AXIN2: variants seen among roughly 807,000 people sequenced by gnomAD.
The protein encoded by AXIN2 is axin-2.
In AXIN2, 21 loss-of-function variants were observed where a neutral mutation model predicts 74.7. That is an observed-to-expected ratio of 0.28 (90% confidence interval 0.20 to 0.40). AXIN2 has a LOEUF of 0.40. Ranked by LOEUF, AXIN2 falls within the 10% of genes least tolerant of loss-of-function variation. AXIN2 has a pLI of 1.00. For synonymous variants in AXIN2, 532 were observed against 454.9 expected (o/e 1.17, Z -2.16); for missense variants, 1,144 against 1,111.1 (o/e 1.03, Z -0.42).
chr17:65,536,543 T>C lies in AXIN2; in HGVS notation c.1918A>G (p.Thr640Ala), dbSNP rs1060502157. Residue 640 changes from threonine to alanine, a missense_variant, in exon 8 of 11, where the codon ACA becomes GCA. Physicochemically the swap from Thr to Ala is moderately conservative, Grantham distance 58. Transcript: ENST00000307078. Reference sequence around the variant, plus strand: ...GACTCCAAGGGGTAGGCCTTTTTTGTGCTTTGGGCACTAAACAAGGAATGA... The same window carrying C: ...GACTCCAAGGGGTAGGCCTTTTTTGCGCTTTGGGCACTAAACAAGGAATGA... Reference protein sequence around the residue: ...SKPKPHSAQSTKKAYPLESAR... With the variant: ...SKPKPHSAQSAKKAYPLESAR... 1 of 1,613,728 alleles carries C rather than the reference T, an allele frequency of 6.2e-7. No homozygotes were observed. Among genetic ancestry groups the C allele is most frequent in the Admixed American group, 1.7e-5 (1 of 60,028 alleles).
At chr17:65,545,433 T>C (rs981612263) in intron 3 of AXIN2, among the ~76,000 whole-genome samples, 2 of 152,172 alleles carry the variant, frequency 1.3e-5, no homozygotes, top group Non-Finnish European at 2.9e-5. Context: ...CTCACGCCTG[T>C]AATCCCACCA....
At chr17:65,534,446 G>C (rs1473971840) in intron 9 of AXIN2, among the ~76,000 whole-genome samples, 2 of 152,248 alleles carry the variant, frequency 1.3e-5, no homozygotes, top group Non-Finnish European at 2.9e-5. Context: ...TCACAGAGAT[G>C]CCGGGTCTCA....
intron 3 of AXIN2, among the ~76,000 whole-genome samples, chr17:65,549,048 C>G (rs1296465345): frequency 1.3e-5 from 2 of 152,138 alleles, no homozygotes; most frequent in Non-Finnish European, 2.9e-5. Context: ...TTTCTCACCC[C>G]CACTTGCAAT....
At chr17:65,535,806 G>T in intron 8 of AXIN2, 85 bp from the exon 9 acceptor site, 1 of 1,263,950 alleles carries the variant, frequency 7.9e-7, no homozygotes, top group Non-Finnish European at 1.1e-6. Context: ...TTACTATTTG[G>T]CCTCCTGAAG....
Position 65,549,581 on chromosome 17 carries a change from C to T in AXIN2, c.895G>A (p.Asp299Asn), listed in dbSNP as rs773351166. Residue 299 changes from aspartate to asparagine, a missense_variant, in exon 3 of 11, where the codon GAC becomes AAC. Physicochemically the swap from Asp to Asn is conservative, Grantham distance 23. This residue lies in a region of AXIN2 where 1,053 missense variants were observed against 973.5 expected (regional missense o/e 1.08). Coordinates refer to ENST00000307078, the MANE Select transcript of AXIN2 (RefSeq NM_004655.4). ...AGCGCATCACTGGATATCTCACTGT[C>T]GTTGGCGCTGGTGGCTGGTGCAAAG... Reference protein sequence around the residue: ...YVFAPATSANDSEISSDALTD... With the variant: ...YVFAPATSANNSEISSDALTD... 25 of 1,608,880 alleles carry T rather than the reference C, an allele frequency of 1.6e-5. No homozygotes were observed. The highest frequency in any genetic ancestry group is 3.3e-5 in the South Asian group (3 of 89,860).
intron 10 of AXIN2, 86 bp downstream of exon 10, chr17:65,533,823 GTCT>G: frequency 7.4e-7 from 1 of 1,347,504 alleles, no homozygotes; most frequent in Non-Finnish European, 1.0e-6. Flanking sequence ...CCCCACCTAG[GTCT>G]GCTCAGCCAG....
chr17:65,545,230 G>A (rs182490713), intron 3 of AXIN2, among the ~76,000 whole-genome samples: 1 of 152,214 alleles, frequency 6.6e-6, no homozygotes, highest in African/African-American at 2.4e-5. Flanking sequence ...ATGATTCCTG[G>A]CAACATCTAA....
chr17:65,554,805 G>A (rs527934212), intron 2 of AXIN2, among the ~76,000 whole-genome samples: 13 of 152,312 alleles, frequency 8.5e-5, no homozygotes, highest in African/African-American at 3.1e-4. Context: ...AGAAAGGCGA[G>A]GACACAGGGA....
chr17:65,538,647 CAA>C (rs1471013154), intron 4 of AXIN2, among the ~76,000 whole-genome samples: 1 of 43,940 alleles, frequency 2.3e-5, no homozygotes, highest in East Asian at 8.1e-4. Context: ...AGAAAATCTT[CAA>C]AGACTGTTGT....
At chr17:65,538,485 G>A in intron 4 of AXIN2, 142 bp from the exon 5 acceptor site, 8 of 1,114,306 alleles carry the variant, frequency 7.2e-6, no homozygotes, top group Non-Finnish European at 1.0e-5. Context: ...GGCCTGGGCT[G>A]CTCGGGACTT....
Position 65,557,937 on chromosome 17 carries a change from C to G in AXIN2, c.684G>C (p.Leu228Phe), listed in dbSNP as rs2044295284. 1.9e-6 allele frequency: 3 copies of G among 1,614,200 alleles called. No individual in the cohort carries two copies. The highest frequency in any genetic ancestry group is 2.5e-6 in the Non-Finnish European group (3 of 1,180,026). Residue 228 changes from leucine (L) to phenylalanine (F), a missense_variant, in exon 2 of 11, where the codon TTG becomes TTC. This residue lies in a region of AXIN2 where 1,053 missense variants were observed against 973.5 expected (regional missense o/e 1.08). Transcript: ENST00000307078. ...LKVVCGYLPTLNEEEEWTCAD... is the reference protein window; with the variant it reads ...LKVVCGYLPTFNEEEEWTCAD... ...CACAAGTCCACTCCTCTTCTTCATT[C>G]AAGGTGGGGAGATAGCCACACACGA...
Position 65,558,467 on chromosome 17 carries a change from A to G in AXIN2, c.154T>C (p.Ser52Pro), listed in dbSNP as rs2044308843. 2 of 1,604,566 alleles carry G rather than the reference A, an allele frequency of 1.2e-6. No individual in the cohort carries two copies. Among genetic ancestry groups the G allele is most frequent in the Non-Finnish European group, 1.7e-6 (2 of 1,173,844 alleles). ...TCTTCGTTCCGCCTGGTGTTGGAAGAGACAGGCATGGGTTTGGTGACCTGG... is the reference window on the plus strand; with the variant it reads ...TCTTCGTTCCGCCTGGTGTTGGAAGGGACAGGCATGGGTTTGGTGACCTGG... ...KGQVTKPMPV[S>P]SNTRRNEDGL... The change falls in exon 2 of 11, where the codon TCT (serine) becomes CCT (proline). Residue 52 changes from serine (S) to proline (P), a missense_variant. Physicochemically the swap from Ser to Pro is moderately conservative, Grantham distance 74. This residue lies in a region of AXIN2 where 1,053 missense variants were observed against 973.5 expected (regional missense o/e 1.08). Coordinates refer to ENST00000307078, the MANE Select transcript of AXIN2 (RefSeq NM_004655.4).
chr17:65,534,907 G>C (rs1029321023), intron 9 of AXIN2, among the ~76,000 whole-genome samples: 2 of 152,138 alleles, frequency 1.3e-5, no homozygotes, highest in Non-Finnish European at 2.9e-5. Flanking sequence ...TCCAGCCTGG[G>C]CAACAGGGCG....
intron 3 of AXIN2, among the ~76,000 whole-genome samples, chr17:65,544,152 G>A (rs1316381707): frequency 4.0e-5 from 6 of 151,660 alleles, no homozygotes; most frequent in South Asian, 2.1e-4. Context: ...AGAGTCCCCC[G>A]TCCACCCCCT....
chr17:65,547,370 A>G (rs549811944), intron 3 of AXIN2, among the ~76,000 whole-genome samples: 2 of 152,354 alleles, frequency 1.3e-5, no homozygotes, highest in South Asian at 4.1e-4. Flanking sequence ...AAGCGGGCAA[A>G]GTACAGGGCC....
intron 2 of AXIN2, among the ~76,000 whole-genome samples, chr17:65,553,847 C>CG (rs796606885): frequency 0.07 from 5,461 of 78,162 alleles, 310 homozygotes; most frequent in Non-Finnish European, 0.086. Flanking sequence ...AAAAAAAAGG[C>CG]GGGGGGGGGG....
intron 10 of AXIN2, among the ~76,000 whole-genome samples, chr17:65,531,515 A>AT (rs1201309182): frequency 6.6e-6 from 1 of 152,064 alleles, no homozygotes; most frequent in Non-Finnish European, 1.5e-5. Flanking sequence ...ACTTCTCCAC[A>AT]TAAGAGGCTC....
At chr17:65,538,423 C>T in intron 4 of AXIN2, 80 bp from the exon 5 acceptor site, 2 of 1,579,168 alleles carry the variant, frequency 1.3e-6, no homozygotes, top group Non-Finnish European at 1.7e-6. Context: ...CTTCCCGCAC[C>T]AGGCGCTGTG....
At chr17:65,532,327 CTCGAAG>C (rs1204405012) in intron 10 of AXIN2, among the ~76,000 whole-genome samples, 1 of 152,232 alleles carries the variant, frequency 6.6e-6, no homozygotes, top group African/African-American at 2.4e-5. Flanking sequence ...TGCAGTTCCA[CTCGAAG>C]TCCAGCCGAG....
Sources: gnomAD v4.1 joint callset for allele counts (sites outside exome capture counted in the v4.1 genomes callset) on GRCh38, gnomAD v4.1.1 for gene constraint, gnomAD v4.1.1 regional missense constraint, MANE v1.5 for transcripts, NCBI Gene and HGNC (gene_info 2026-07-23, HGNC 2026-07-21) for gene names.